NCOA3: variants seen among roughly 807,000 people sequenced by gnomAD.
The protein encoded by NCOA3 is nuclear receptor coactivator 3, also known as CBP-interacting protein.
Under a neutral mutation model 158.8 loss-of-function variants are expected in NCOA3, and 51 were observed. That is an observed-to-expected ratio of 0.32 (90% CI 0.26 to 0.41). The LOEUF (loss-of-function observed/expected upper bound fraction) is 0.41, where lower values mean the gene tolerates loss of function less well. NCOA3 is among the 10% of genes least tolerant of loss of function. The probability of loss-of-function intolerance (pLI) is 1.00; values close to 1 mark genes in which losing one functional copy is unlikely to be tolerated. For missense variants in NCOA3, 1,510 were observed against 1,746.6 expected, an observed-to-expected ratio of 0.86 and a Z score of 2.41; for synonymous variants, 537 against 592.4, an observed-to-expected ratio of 0.91 and a Z score of 1.36.
At position 47,636,339 on chromosome 20, in the gene NCOA3, T is replaced by C. The variant is rs768121583; in HGVS notation, c.1953T>C (p.Val651=). ...ATTCAAGTTGTAAAGAATCTTCTGT[T>C]AGTGTCACCAGCCCCTCTGGAGTCT... ...PLDSSCKESS[V]SVTSPSGVSS... Residue 651 remains valine, a synonymous_variant, in exon 12 of 23, where the codon GTT becomes GTC. Transcript: ENST00000371998. 2.7e-5 allele frequency: 44 copies of C among 1,614,084 alleles called. No homozygotes were observed. Among genetic ancestry groups the C allele is most frequent in the Non-Finnish European group, 3.7e-5 (44 of 1,180,040 alleles).
At chr20:47,628,967 T>C (rs997829417) in intron 8 of NCOA3, among the ~76,000 whole-genome samples, 10 of 152,190 alleles carry the variant, frequency 6.6e-5, no homozygotes, top group African/African-American at 2.4e-4. Flanking sequence ...TGGGTTATTG[T>C]CCAAGATCAT....
chr20:47,562,769 T>C (rs2085127910), intron 1 of NCOA3, among the ~76,000 whole-genome samples: 1 of 152,190 alleles, frequency 6.6e-6, no homozygotes, highest in Non-Finnish European at 1.5e-5. Flanking sequence ...CTAGTAATTG[T>C]GGGGATTAAC....
rs144980338 is a variant in NCOA3 at position 47,602,152 on chromosome 20, G to A, written c.-20+18891G>A. The stretch of plus-strand genomic sequence containing the variant: ...ATGGAATTTATCTTTTATAGTTTCT[G>A]TGCTATTACAAATAATGTAACACAT... On this transcript the variant is annotated intron_variant, in intron 2 of 22. Coordinates refer to ENST00000371998, the MANE Select transcript of NCOA3 (RefSeq NM_181659.3). Among the ~76,000 whole-genome samples, 56 of 152,280 alleles carry A rather than the reference G, an allele frequency of 3.7e-4. No homozygotes were observed. In the East Asian group the frequency reaches 8.3e-3, roughly 23 times the overall value.
chr20:47,563,760 G>A (rs997104617), intron 1 of NCOA3, among the ~76,000 whole-genome samples: 1 of 151,732 alleles, frequency 6.6e-6, no homozygotes, highest in African/African-American at 2.4e-5. Flanking sequence ...GTGGTGGCAG[G>A]CGCCTGTAGA....
In NCOA3 at chr20:47,623,990, AAT is replaced by A. The variant is rs1318342503; in HGVS notation, c.164_165del (p.Asn55ThrfsTer2). 1 of 1,613,438 alleles carries A rather than the reference AAT, an allele frequency of 6.2e-7. No individual in the cohort carries two copies. The highest frequency in any genetic ancestry group is 1.3e-5 in the African/African-American group (1 of 74,886). The part of the protein sequence containing the change: ...IEELAELISA[N>X]LSDIDNFNVK... The stretch of plus-strand genomic sequence containing the variant: ...AGAATTGGCTGAGCTGATATCTGCC[AAT>A]CTTAGTGATATTGACAATTTCAATG... On this transcript the variant is annotated frameshift_variant, in exon 4 of 23. Coordinates refer to ENST00000371998, the MANE Select transcript of NCOA3 (RefSeq NM_181659.3). LOFTEE classifies it high-confidence loss of function.
At chr20:47,532,666 G>A (rs556250167) in intron 1 of NCOA3, among the ~76,000 whole-genome samples, 1 of 152,034 alleles carries the variant, frequency 6.6e-6, no homozygotes, top group African/African-American at 2.4e-5. Context: ...GTAGAGACAG[G>A]TCTTTTTTGC....
intron 1 of NCOA3, among the ~76,000 whole-genome samples, chr20:47,531,422 G>T (rs185010785): frequency 9.3e-4 from 142 of 152,312 alleles, no homozygotes; most frequent in African/African-American, 3.2e-3. Context: ...CACTTTTGCA[G>T]AGAGGAATTT....
chr20:47,527,304 T>C (rs1009330556), intron 1 of NCOA3, among the ~76,000 whole-genome samples: 1 of 152,194 alleles, frequency 6.6e-6, no homozygotes, highest in African/African-American at 2.4e-5. Flanking sequence ...TTTGTATTAG[T>C]ATAGTATTGT....
At position 47,635,880 on chromosome 20, in the gene NCOA3, T is replaced by G. The variant is rs771025056; in HGVS notation, c.1505-11T>G. 20 of 1,575,342 alleles carry G rather than the reference T, an allele frequency of 1.3e-5. No individual in the cohort carries two copies. The highest frequency in any genetic ancestry group is 1.7e-4 in the Middle Eastern group (1 of 5,846). On this transcript the variant is annotated splice_polypyrimidine_tract_variant and intron_variant, in intron 11 of 22. Transcript: ENST00000371998. ...GTCTAATTCTTTTCCTAAATTTTTTTTCAAATTCAGGTGTGCACTCTCCCA... is the reference window on the plus strand; with the variant it reads ...GTCTAATTCTTTTCCTAAATTTTTTGTCAAATTCAGGTGTGCACTCTCCCA...
intron 2 of NCOA3, among the ~76,000 whole-genome samples, chr20:47,599,836 T>C (rs979522402): frequency 6.6e-6 from 1 of 152,192 alleles, no homozygotes. Context: ...ATTGAAAAGA[T>C]TGCATTCTTA....
At position 47,568,272 on chromosome 20, in the gene NCOA3, G is replaced by A. The variant is rs190218095; in HGVS notation, c.-98-14911G>A. Among the ~76,000 whole-genome samples the A allele has an allele frequency of 9.1e-4, 139 of 152,224 alleles. 2 individuals are homozygous for A. The highest frequency in any genetic ancestry group is 3.2e-3 in the African/African-American group (132 of 41,530). On this transcript the variant is annotated intron_variant, in intron 1 of 22. Transcript: ENST00000371998. ...CCGTTGTGCCAGACCGTGGCAAGAA[G>A]CTAGGCAGCTACTGTAAGTCTGTAC... is the stretch of plus-strand genomic sequence containing the variant.
At chr20:47,602,431 A>G (rs2085878951) in intron 2 of NCOA3, among the ~76,000 whole-genome samples, 1 of 152,224 alleles carries the variant, frequency 6.6e-6, no homozygotes, top group Non-Finnish European at 1.5e-5. Flanking sequence ...AAATTGTGAT[A>G]ATTCAAAAAG....
At position 47,652,458 on chromosome 20, in the gene NCOA3, T is replaced by C. The variant is rs774144778; in HGVS notation, c.3999T>C (p.Asn1333=). The C allele has an allele frequency of 6.2e-7, 1 of 1,613,972 alleles. No homozygotes were observed. The highest frequency in any genetic ancestry group is 8.5e-7 in the Non-Finnish European group (1 of 1,179,838). The change falls in exon 21 of 23, where the codon AAT becomes AAC. Residue 1333 remains asparagine, a synonymous_variant. Transcript: ENST00000371998. ...PAFGRVSSPP[N]AMMSSRMGPS... ...TTGGTCGAGTGTCTAGTCCTCCCAA[T>C]GCAATGATGTCGTCAAGAATGGGTC... is the stretch of plus-strand genomic sequence containing the variant.
intron 2 of NCOA3, among the ~76,000 whole-genome samples, chr20:47,593,046 GCCTCAGCC>G (rs2085673918): frequency 6.6e-6 from 1 of 151,834 alleles, no homozygotes; most frequent in Non-Finnish European, 1.5e-5. Flanking sequence ...CGATTTTCCT[GCCTCAGCC>G]TCTCAAGTAG....
At chr20:47,637,169 A>G (rs1189111734) in intron 12 of NCOA3, among the ~76,000 whole-genome samples, 3 of 152,216 alleles carry the variant, frequency 2.0e-5, no homozygotes, top group Admixed American at 2.0e-4. Flanking sequence ...GGATATATTA[A>G]TATGCACTTG....
In NCOA3 at chr20:47,635,574, GAAC is replaced by G. The variant is rs778132714; in HGVS notation, c.1372_1374del (p.Asn458del). On this transcript the variant is annotated inframe_deletion, in exon 11 of 23. Transcript: ENST00000371998. ...GCATGCAATCACCATCTTCCTACCA[GAAC>G]AACAACTATGGGCTCAACATGAGTA... The G allele has an allele frequency of 1.2e-6, 2 of 1,614,002 alleles. No homozygotes were observed. Among genetic ancestry groups the G allele is most frequent in the African/African-American group, 1.3e-5 (1 of 74,888 alleles).
chr20:47,637,871 T>A lies in NCOA3; in HGVS notation c.2512+88T>A. 4 of 1,193,456 alleles carry A rather than the reference T, an allele frequency of 3.4e-6. No individual in the cohort carries two copies. In the South Asian group the frequency reaches 8.0e-5, roughly 24 times the overall value. The allele number at this position is 1,193,456 out of a possible 1,614,324, so 73.9% of individuals were successfully genotyped here. On this transcript the variant is annotated intron_variant, in intron 13 of 22. Coordinates refer to ENST00000371998, the MANE Select transcript of NCOA3 (RefSeq NM_181659.3). ...ACACTCTTACACTAAGACCAGGATA[T>A]AAATAGCATTTATAACTTCAGAACA...
chr20:47,639,923 A>G lies in NCOA3; in HGVS notation c.2954-2A>G. On this transcript the variant is annotated splice_acceptor_variant, in intron 15 of 22. Transcript: ENST00000371998. LOFTEE classifies it high-confidence loss of function. The stretch of plus-strand genomic sequence containing the variant: ...ATTTGTGCTTTCTTTTTGCTCCCCC[A>G]GGGCCTGGTGAAATCCCCATGGGAA... 1 of 1,614,138 alleles carries G rather than the reference A, an allele frequency of 6.2e-7. No homozygotes were observed. Among genetic ancestry groups the G allele is most frequent in the Non-Finnish European group, 8.5e-7 (1 of 1,180,012 alleles).
At chr20:47,575,431 G>A (rs1310630913) in intron 1 of NCOA3, among the ~76,000 whole-genome samples, 1 of 152,110 alleles carries the variant, frequency 6.6e-6, no homozygotes. Context: ...GAAGGCTTGG[G>A]AATTGTTACT....
Sources: gnomAD v4.1 joint callset for allele counts (sites outside exome capture counted in the v4.1 genomes callset) on GRCh38, gnomAD v4.1.1 for gene constraint, MANE v1.5 for transcripts, NCBI Gene and HGNC (gene_info 2026-07-23, HGNC 2026-07-21) for gene names.